Variants in KCNMA1 observed in about 807,000 individuals in gnomAD.
The protein encoded by KCNMA1 is potassium calcium-activated channel subfamily M alpha 1, also known as Calcium-activated potassium channel subunit alpha-1.
Under a neutral mutation model 140.0 loss-of-function variants are expected in KCNMA1, and 29 were observed. The ratio of observed to expected loss-of-function variants is 0.21; its 90% CI spans 0.15 to 0.28. The LOEUF (loss-of-function observed/expected upper bound fraction) is 0.28. Ranked by LOEUF, KCNMA1 falls within the 10% of genes least tolerant of loss-of-function variation. KCNMA1 has a pLI of 1.00. For synonymous variants in KCNMA1, 612 were observed against 611.9 expected, an observed-to-expected ratio of 1.00 and a Z score of 0.00; for missense variants, 880 against 1,602.2, an observed-to-expected ratio of 0.55 and a Z score of 7.70.
At chr10:77,197,886 A>G (rs1162842728) in intron 3 of KCNMA1, among the ~76,000 whole-genome samples, 1 of 152,126 alleles carries the variant, frequency 6.6e-6, no homozygotes, top group Admixed American at 6.6e-5. Context: ...AGGCAGAAAA[A>G]TGTTCAAACC....
At chr10:77,566,193 GA>G (rs1372913445) in intron 1 of KCNMA1, among the ~76,000 whole-genome samples, 2 of 152,084 alleles carry the variant, frequency 1.3e-5, no homozygotes, top group African/African-American at 4.8e-5. Context: ...CAACCCAAAT[GA>G]AATCCCATTG....
chr10:77,073,721 G>T (rs1301826558), intron 13 of KCNMA1, among the ~76,000 whole-genome samples: 4 of 152,148 alleles, frequency 2.6e-5, no homozygotes, highest in Non-Finnish European at 5.9e-5. Flanking sequence ...TGAAAACACA[G>T]ATTGCTGGCC....
Position 77,072,570 on chromosome 10 carries a change from C to T in KCNMA1, c.1749+527G>A, listed in dbSNP as rs570926054. Among the ~76,000 whole-genome samples, 12 of 152,180 alleles carry T rather than the reference C, an allele frequency of 7.9e-5. 1 individual carries two copies. The highest frequency in any genetic ancestry group is 2.9e-4 in the African/African-American group (12 of 41,528). On this transcript the variant is annotated intron_variant, in intron 14 of 27. Coordinates refer to ENST00000286628, the MANE Select transcript of KCNMA1 (RefSeq NM_001161352.2). ...GCAAAGGGCACTGCTGCCGAGGACT[C>T]AGTACATTGTTTCGCTCTCCATTCA...
chr10:77,127,625 AGAAGGCAG>A lies in KCNMA1; in HGVS notation c.809-6585_809-6578del, dbSNP rs370011727. Among the ~76,000 whole-genome samples, 1,342 of 148,216 alleles carry A rather than the reference AGAAGGCAG, an allele frequency of 9.1e-3. 16 individuals carry two copies. The highest frequency in any genetic ancestry group is 0.03 in the African/African-American group (1,182 of 39,952). ...TGAAGGCAAGAAGGGAGAGAAGGAG[AGAAGGCAG>A]GAAGGCAGGAAGGCAGGAGGGGAAA... is the stretch of plus-strand genomic sequence containing the variant. On this transcript the variant is annotated intron_variant, in intron 5 of 27. Coordinates refer to ENST00000286628, the MANE Select transcript of KCNMA1 (RefSeq NM_001161352.2).
chr10:77,483,025 CACACACACACACACA>C (rs2098418426), intron 1 of KCNMA1, among the ~76,000 whole-genome samples: 1 of 150,266 alleles, frequency 6.7e-6, no homozygotes, highest in African/African-American at 2.5e-5. Flanking sequence ...CACACACACA[CACACACACACACACA>C]CCCCTTGTTC....
chr10:76,936,309 A>G (rs1197990725), intron 23 of KCNMA1, among the ~76,000 whole-genome samples: 1 of 152,212 alleles, frequency 6.6e-6, no homozygotes, highest in Non-Finnish European at 1.5e-5. Context: ...CTTATTATAG[A>G]GGACTCAAGA....
chr10:77,362,375 A>ACT (rs1198350860), intron 2 of KCNMA1, among the ~76,000 whole-genome samples: 1 of 48,416 alleles, frequency 2.1e-5, no homozygotes, highest in East Asian at 7.3e-4. Flanking sequence ...CCACACACAC[A>ACT]CACACACGAT....
At chr10:77,208,107 T>C (rs1248735874) in intron 3 of KCNMA1, among the ~76,000 whole-genome samples, 1 of 152,260 alleles carries the variant, frequency 6.6e-6, no homozygotes, top group African/African-American at 2.4e-5. Context: ...GAGAGTGGAA[T>C]GCCACACTGT....
At chr10:77,179,178 G>A (rs772900891) in intron 5 of KCNMA1, among the ~76,000 whole-genome samples, 6 of 152,184 alleles carry the variant, frequency 3.9e-5, no homozygotes, top group Non-Finnish European at 7.3e-5. Context: ...TTAGCCCATT[G>A]TACAGGTGAG....
At chr10:77,114,260 C>CT (rs1273909316) in intron 6 of KCNMA1, among the ~76,000 whole-genome samples, 1 of 152,172 alleles carries the variant, frequency 6.6e-6, no homozygotes, top group Non-Finnish European at 1.5e-5. Flanking sequence ...GAGCTGAGGC[C>CT]TTGTCTGTCT....
intron 5 of KCNMA1, among the ~76,000 whole-genome samples, chr10:77,152,889 A>G (rs529684267): frequency 6.6e-6 from 1 of 152,272 alleles, no homozygotes; most frequent in South Asian, 2.1e-4. Flanking sequence ...CGGCGGATGG[A>G]AAGGACTGAT....
chr10:77,220,196 A>G (rs2049139773), intron 3 of KCNMA1, among the ~76,000 whole-genome samples: 1 of 152,230 alleles, frequency 6.6e-6, no homozygotes, highest in Admixed American at 6.5e-5. Flanking sequence ...AGGTGAAATA[A>G]GATCACTTAG....
At chr10:77,589,358 T>C (rs2078274062) in intron 1 of KCNMA1, among the ~76,000 whole-genome samples, 1 of 152,132 alleles carries the variant, frequency 6.6e-6, no homozygotes, top group Non-Finnish European at 1.5e-5. Flanking sequence ...GCCCTTCTTG[T>C]TCCCGTGTTC....
At chr10:76,928,000 C>A (rs905156138) in intron 23 of KCNMA1, among the ~76,000 whole-genome samples, 2 of 152,036 alleles carry the variant, frequency 1.3e-5, no homozygotes, top group Non-Finnish European at 2.9e-5. Context: ...GAGAAATATT[C>A]AAAATGCATT....
rs147592319 is a variant in KCNMA1, at chr10:77,068,852, AACACACACACACACACAC to A, written c.1749+4227_1749+4244del. 9.5e-3 allele frequency among the ~76,000 whole-genome samples: 1,276 copies of A among 133,634 alleles called. 7 individuals are homozygous for A. The highest frequency in any genetic ancestry group is 0.012 in the Admixed American group (155 of 13,290). 87.7% of individuals were successfully genotyped at this position (133,634 alleles called of 152,430 possible). A position where few individuals can be genotyped will look rare whatever the true frequency, so the allele number is the denominator to read the frequency against. ...AATTTTAAGAGTTAATCACCCTCTAAACACACACACACACACACACACACACACACACACACACACACA... is the reference window on the plus strand; with the variant it reads ...AATTTTAAGAGTTAATCACCCTCTAAACACACACACACACACACACACACA... On this transcript the variant is annotated intron_variant, in intron 14 of 27. Transcript: ENST00000286628.
intron 4 of KCNMA1, among the ~76,000 whole-genome samples, chr10:77,184,201 T>C (rs1322098571): frequency 1.3e-5 from 2 of 151,778 alleles, no homozygotes; most frequent in Non-Finnish European, 2.9e-5. Context: ...GCTGAAGAGG[T>C]TTATTTCTAT....
At chr10:77,554,813 G>T (rs1455109572) in intron 1 of KCNMA1, among the ~76,000 whole-genome samples, 1 of 151,930 alleles carries the variant, frequency 6.6e-6, no homozygotes, top group Non-Finnish European at 1.5e-5. Flanking sequence ...CTGATCTCTC[G>T]GGCACAGTCA....
intron 24 of KCNMA1, chr10:76,912,487 G>A (rs1006223800): frequency 3.9e-5 from 6 of 152,280 alleles, no homozygotes; most frequent in Non-Finnish European, 1.5e-5. Context: ...AGGTGAAATG[G>A]TCTGAGGAGG....
intron 2 of KCNMA1, among the ~76,000 whole-genome samples, chr10:77,353,222 C>A (rs2093101276): frequency 6.6e-6 from 1 of 152,082 alleles, no homozygotes; most frequent in Non-Finnish European, 1.5e-5. Context: ...ATGATTCACA[C>A]CCTGGTCCTG....
Sources: gnomAD v4.1 joint callset for allele counts (sites outside exome capture counted in the v4.1 genomes callset) on GRCh38, gnomAD v4.1.1 for gene constraint, MANE v1.5 for transcripts, NCBI Gene and HGNC (gene_info 2026-07-23, HGNC 2026-07-21) for gene names.